Variants in ST3GAL5 observed in about 807,000 individuals in gnomAD.
ST3GAL5 encodes ST3 beta-galactoside alpha-2,3-sialyltransferase 5.
A neutral mutation model predicts 46.1 loss-of-function variants in ST3GAL5; 25 were observed. The ratio of observed to expected loss-of-function variants is 0.54; its 90% CI spans 0.40 to 0.76. ST3GAL5 has a LOEUF of 0.76. ST3GAL5 is among the 30% of genes least tolerant of loss of function. The pLI is 0.00. For missense variants in ST3GAL5, 431 were observed against 521.2 expected (o/e 0.83, Z 1.69); for synonymous variants, 182 against 192.7 (o/e 0.94, Z 0.46).
chr2:85,880,979 C>G (rs1028101898), intron 1 of ST3GAL5: 3 of 505,426 alleles, frequency 5.9e-6, no homozygotes, highest in Admixed American at 2.1e-5. Context: ...CCACCCAAAT[C>G]TCAACTTGAA....
In ST3GAL5 at chr2:85,839,133, A is replaced by C. The variant is rs1681713241; in HGVS notation, c.*1011T>G. 6.6e-6 allele frequency: 1 copy of C among 152,256 alleles called. No homozygotes were observed. The highest frequency in any genetic ancestry group is 1.5e-5 in the Non-Finnish European group (1 of 68,042). 9.4% of individuals were successfully genotyped at this position (152,256 alleles called of 1,614,324 possible). A position where few individuals can be genotyped will look rare whatever the true frequency, so the allele number is the denominator to read the frequency against. On this transcript the variant is annotated 3_prime_UTR_variant, in exon 7 of 7. Coordinates refer to ENST00000638572, the MANE Select transcript of ST3GAL5 (RefSeq NM_003896.4). ...ATTCATAGACATAAGCACCCAAATT[A>C]ACCAGACTACGAGAGTTCCTCAAAA...
Position 85,840,020 on chromosome 2 carries a change from A to T in ST3GAL5, c.*124T>A. ...GAGCTAAAATTTTTTTTGTGTTTTT[A>T]AATTAAAAGTTAAAAACATGAGCTG... On this transcript the variant is annotated 3_prime_UTR_variant, in exon 7 of 7. Transcript: ENST00000638572. 3 of 1,460,276 alleles carry T rather than the reference A, an allele frequency of 2.1e-6. No homozygotes were observed. Among genetic ancestry groups the T allele is most frequent in the Non-Finnish European group, 1.9e-6 (2 of 1,078,882 alleles). The allele number at this position is 1,460,276 out of a possible 1,614,324, so 90.5% of individuals were successfully genotyped here.
At chr2:85,887,075 A>T (rs879456428) in intron 1 of ST3GAL5, among the ~76,000 whole-genome samples, 1 of 152,080 alleles carries the variant, frequency 6.6e-6, no homozygotes. Flanking sequence ...CAGGACCTGG[A>T]ATGGACTCCC....
chr2:85,848,576 T>C (rs1222266163), intron 3 of ST3GAL5: 7 of 416,266 alleles, frequency 1.7e-5, no homozygotes, highest in African/African-American at 8.3e-5. Flanking sequence ...TAGTTAAACT[T>C]TGAGGACATT....
chr2:85,847,776 C>G (rs1682982524), intron 4 of ST3GAL5, 85 bp downstream of exon 4: 1 of 1,515,232 alleles, frequency 6.6e-7, no homozygotes, highest in Non-Finnish European at 8.8e-7. Context: ...GCCTGGACAA[C>G]AGGAGTGAGA....
intron 5 of ST3GAL5, chr2:85,845,512 T>C (rs1285210338): frequency 6.6e-6 from 1 of 152,232 alleles, no homozygotes; most frequent in Non-Finnish European, 1.5e-5. Flanking sequence ...CATTAAGCAA[T>C]GATCACCATT....
chr2:85,855,863 T>C (rs940859475), intron 3 of ST3GAL5: 2 of 152,248 alleles, frequency 1.3e-5, no homozygotes, highest in African/African-American at 4.8e-5. Flanking sequence ...TCAGCATCAT[T>C]AGCTATCAGC....
chr2:85,852,757 A>T, intron 3 of ST3GAL5: 1 of 627,594 alleles, frequency 1.6e-6, no homozygotes, highest in Non-Finnish European at 2.4e-6. Flanking sequence ...AAAAAAAAAT[A>T]ATCAGGAGAT....
At chr2:85,872,610 G>A (rs1387504398) in intron 1 of ST3GAL5, among the ~76,000 whole-genome samples, 2 of 151,926 alleles carry the variant, frequency 1.3e-5, no homozygotes, top group African/African-American at 2.4e-5. Context: ...ATGTCCAGGA[G>A]GTACTTGGGA....
intron 1 of ST3GAL5, among the ~76,000 whole-genome samples, chr2:85,878,446 A>C (rs1253087171): frequency 6.6e-6 from 1 of 152,184 alleles, no homozygotes; most frequent in Non-Finnish European, 1.5e-5. Flanking sequence ...GTCCTACAAA[A>C]AAGAACAGAT....
intron 1 of ST3GAL5, among the ~76,000 whole-genome samples, chr2:85,864,238 A>G (rs1558682607): frequency 6.6e-6 from 1 of 152,214 alleles, no homozygotes; most frequent in Admixed American, 6.5e-5. Context: ...TGAGTAAAGC[A>G]TACACAAAAT....
chr2:85,840,002 A>G lies in ST3GAL5; in HGVS notation c.*142T>C. The stretch of plus-strand genomic sequence containing the variant: ...GGAAAAAAAAAGTGGGAAGAGCTAA[A>G]ATTTTTTTTGTGTTTTTAAATTAAA... On this transcript the variant is annotated 3_prime_UTR_variant, in exon 7 of 7. Coordinates refer to ENST00000638572, the MANE Select transcript of ST3GAL5 (RefSeq NM_003896.4). 3.0e-6 allele frequency: 4 copies of G among 1,351,366 alleles called. No individual in the cohort carries two copies. The allele number at this position is 1,351,366 out of a possible 1,614,324, so 83.7% of individuals were successfully genotyped here.
chr2:85,880,693 G>A (rs187807473), intron 1 of ST3GAL5, among the ~76,000 whole-genome samples: 45 of 152,108 alleles, frequency 3.0e-4, no homozygotes, highest in East Asian at 1.7e-3. Context: ...GCTTGGTGGC[G>A]TGCACCTGTA....
intron 1 of ST3GAL5, among the ~76,000 whole-genome samples, chr2:85,877,992 A>G (rs1168886395): frequency 2.0e-5 from 3 of 152,200 alleles, no homozygotes; most frequent in African/African-American, 7.2e-5. Flanking sequence ...CCTTCAATTC[A>G]CAAAGTGTCC....
chr2:85,863,661 A>C (rs1420001308), intron 1 of ST3GAL5, among the ~76,000 whole-genome samples, 176 bp from the exon 2 acceptor site: 5 of 152,100 alleles, frequency 3.3e-5, no homozygotes, highest in African/African-American at 1.2e-4. Flanking sequence ...AGAGGGAACT[A>C]TGCTGAGCTG....
intron 1 of ST3GAL5, among the ~76,000 whole-genome samples, chr2:85,870,496 C>T (rs564964773): frequency 1.1e-4 from 16 of 152,174 alleles, no homozygotes; most frequent in Non-Finnish European, 2.4e-4. Context: ...TCTTCTCACT[C>T]AGGCTGCCAG....
intron 1 of ST3GAL5, among the ~76,000 whole-genome samples, chr2:85,879,305 C>A (rs183281058): frequency 1.3e-5 from 2 of 152,246 alleles, no homozygotes; most frequent in East Asian, 1.9e-4. Context: ...TAGCACTGGG[C>A]CAGCCAAGAC....
intron 1 of ST3GAL5, among the ~76,000 whole-genome samples, chr2:85,879,968 T>C (rs532893885): frequency 3.4e-4 from 52 of 152,258 alleles, no homozygotes; most frequent in Non-Finnish European, 5.1e-4. Context: ...TATCACCAAA[T>C]AGGATCTTAG....
At chr2:85,848,803 G>T in intron 3 of ST3GAL5, 1 of 155,878 alleles carries the variant, frequency 6.4e-6, no homozygotes, top group Non-Finnish European at 1.4e-5. Context: ...GCTGCCAAAT[G>T]GTACATTTAA....
Sources: allele counts gnomAD v4.1 joint callset (sites outside exome capture counted in the v4.1 genomes callset), GRCh38; gene constraint gnomAD v4.1.1; transcripts MANE v1.5; gene names NCBI Gene and HGNC (gene_info 2026-07-23, HGNC 2026-07-21).